FGF14: variants seen among roughly 807,000 people sequenced by gnomAD.
FGF14 encodes the protein fibroblast growth factor 14, also known as fibroblast growth factor homologous factor 4.
In FGF14, 5 loss-of-function variants were observed where a neutral mutation model predicts 25.5. That is an observed-to-expected ratio of 0.20 (90% CI 0.10 to 0.41). FGF14 has a LOEUF of 0.41. Ranked by LOEUF, FGF14 falls within the 10% of genes least tolerant of loss-of-function variation. The pLI is 1.00. For synonymous variants in FGF14, 138 were observed against 118.3 expected, an observed-to-expected ratio of 1.17 and a Z score of -1.08; for missense variants, 222 against 320.1, an observed-to-expected ratio of 0.69 and a Z score of 2.34.
intron 3 of FGF14, among the ~76,000 whole-genome samples, chr13:101,754,157 C>G (rs897076119): frequency 2.6e-5 from 4 of 152,158 alleles, no homozygotes. Flanking sequence ...TAGGCTGTTT[C>G]TCTGGCTCCC....
intron 1 of FGF14, among the ~76,000 whole-genome samples, chr13:102,077,512 C>T (rs991271969): frequency 3.3e-5 from 5 of 152,124 alleles, no homozygotes; most frequent in African/African-American, 1.2e-4. Context: ...AAAGGAGATA[C>T]ACATGGCTAA....
At chr13:102,162,008 CTT>C (rs1187442314) in intron 1 of FGF14, among the ~76,000 whole-genome samples, 4 of 152,024 alleles carry the variant, frequency 2.6e-5, no homozygotes, top group African/African-American at 9.7e-5. Flanking sequence ...TACTCTATAA[CTT>C]AGAATATAAA....
intron 1 of FGF14, among the ~76,000 whole-genome samples, chr13:102,349,378 G>A (rs1311930755): frequency 1.3e-5 from 2 of 152,036 alleles, no homozygotes; most frequent in African/African-American, 4.8e-5. Context: ...AATTACATGT[G>A]GCTTTTCTCA....
In FGF14 at chr13:102,281,774, T is replaced by C. The variant is rs546581570; in HGVS notation, c.208+119697A>G. 7.9e-5 allele frequency among the ~76,000 whole-genome samples: 12 copies of C among 151,506 alleles called. No individual in the cohort carries two copies. The South Asian group carries it at 1.5e-3, about 18-fold the overall frequency. ...CAAAAACATTTCTCCAGATTTCTCA[T>C]CTCTCCCAGCTTCAAGCCTCTATTT... On this transcript the variant is annotated intron_variant, in intron 1 of 4. Transcript: ENST00000376131.
At chr13:101,900,246 A>C (rs1343243876) in intron 1 of FGF14, among the ~76,000 whole-genome samples, 2 of 152,196 alleles carry the variant, frequency 1.3e-5, no homozygotes, top group African/African-American at 4.8e-5. Context: ...AATGGCTTAA[A>C]ATCAACAAGC....
intron 3 of FGF14, among the ~76,000 whole-genome samples, chr13:101,860,967 A>T (rs984171617): frequency 1.3e-5 from 2 of 152,124 alleles, no homozygotes; most frequent in African/African-American, 2.4e-5. Flanking sequence ...TTCAGCTAGT[A>T]TTCTGCTCTA....
At chr13:102,024,502 C>T (rs946359655) in intron 1 of FGF14, among the ~76,000 whole-genome samples, 1 of 141,552 alleles carries the variant, frequency 7.1e-6, no homozygotes, top group African/African-American at 2.8e-5. Context: ...TTTTTACATT[C>T]TGAAAACAAA....
At chr13:102,241,644 C>T (rs55934421) in intron 1 of FGF14, among the ~76,000 whole-genome samples, 2 of 152,072 alleles carry the variant, frequency 1.3e-5, no homozygotes, top group Non-Finnish European at 2.9e-5. Flanking sequence ...AGCATCAAGA[C>T]AGTTTATTTT....
chr13:101,826,399 T>G (rs2042395030), intron 3 of FGF14, among the ~76,000 whole-genome samples: 1 of 152,116 alleles, frequency 6.6e-6, no homozygotes, highest in Admixed American at 6.5e-5. Flanking sequence ...AATCAAATTT[T>G]GAGTAGACCG....
intron 3 of FGF14, among the ~76,000 whole-genome samples, chr13:101,732,004 C>A (rs2035844104): frequency 2.0e-5 from 3 of 152,166 alleles, no homozygotes; most frequent in Admixed American, 2.0e-4. Context: ...ACTTTCCAAC[C>A]TAAGTAATTG....
At chr13:102,173,830 G>T (rs935875201) in intron 1 of FGF14, among the ~76,000 whole-genome samples, 1 of 152,022 alleles carries the variant, frequency 6.6e-6, no homozygotes, top group Admixed American at 6.6e-5. Flanking sequence ...TAGGGGTAGG[G>T]GGGTATGGGA....
chr13:102,212,798 A>G (rs1357573792), intron 1 of FGF14, among the ~76,000 whole-genome samples: 1 of 152,220 alleles, frequency 6.6e-6, no homozygotes, highest in Non-Finnish European at 1.5e-5. Context: ...TTATGAGTTG[A>G]ATTATGATGG....
intron 3 of FGF14, among the ~76,000 whole-genome samples, chr13:101,738,505 C>G (rs1195724266): frequency 6.6e-6 from 1 of 152,080 alleles, no homozygotes; most frequent in African/African-American, 2.4e-5. Context: ...ATTCTGGCAA[C>G]AACTTGTTTG....
At chr13:101,903,960 T>A (rs1447619723) in intron 1 of FGF14, among the ~76,000 whole-genome samples, 1 of 152,188 alleles carries the variant, frequency 6.6e-6, no homozygotes. Context: ...TCCTACAAAT[T>A]AAAACCACAA....
intron 1 of FGF14, among the ~76,000 whole-genome samples, chr13:101,984,946 G>C (rs954458627): frequency 5.9e-5 from 9 of 151,972 alleles, no homozygotes; most frequent in African/African-American, 2.2e-4. Context: ...CTTGGACTAT[G>C]GTTAAAACTT....
intron 1 of FGF14, among the ~76,000 whole-genome samples, chr13:102,325,352 A>T (rs979846215): frequency 1.6e-4 from 25 of 152,268 alleles, no homozygotes; most frequent in African/African-American, 5.3e-4. Flanking sequence ...TTCTCTTTTT[A>T]TTAAGAAAAA....
intron 1 of FGF14, among the ~76,000 whole-genome samples, chr13:102,201,049 T>C (rs1318866167): frequency 1.4e-5 from 2 of 140,284 alleles, no homozygotes; most frequent in Non-Finnish European, 1.5e-5. Flanking sequence ...TTGCTTGAGC[T>C]GAGATCGCGC....
At chr13:102,082,777 A>AC (rs1462487334) in intron 1 of FGF14, among the ~76,000 whole-genome samples, 1 of 146,608 alleles carries the variant, frequency 6.8e-6, no homozygotes, top group Non-Finnish European at 1.5e-5. Flanking sequence ...AAACGGTGAA[A>AC]CCCCGTCTCT....
chr13:102,036,617 T>C (rs746287135), intron 1 of FGF14, among the ~76,000 whole-genome samples: 8 of 151,460 alleles, frequency 5.3e-5, no homozygotes, highest in Non-Finnish European at 1.2e-4. Context: ...TCTGAAGATA[T>C]AAGGAAGCAA....
Sources: gnomAD v4.1 joint callset for allele counts (sites outside exome capture counted in the v4.1 genomes callset) on GRCh38, gnomAD v4.1.1 for gene constraint, MANE v1.5 for transcripts, NCBI Gene and HGNC (gene_info 2026-07-23, HGNC 2026-07-21) for gene names.